The following NRXN3 variants were observed in gnomAD, a reference collection of about 807,000 sequenced individuals.
NRXN3 encodes neurexin 3, also known as neurexin III.
In NRXN3, 32 loss-of-function variants were observed where a neutral mutation model predicts 137.6. That is an observed-to-expected ratio of 0.23 (90% confidence interval 0.18 to 0.31). The LOEUF is 0.31. NRXN3 is among the 10% of genes least tolerant of loss of function. The probability of loss-of-function intolerance (pLI) is 1.00; values close to 1 mark genes in which losing one functional copy is unlikely to be tolerated. For synonymous variants in NRXN3, 798 were observed against 784.5 expected (o/e 1.02, Z -0.29); for missense variants, 1,574 against 2,062.5 (o/e 0.76, Z 4.59).
intron 4 of NRXN3, among the ~76,000 whole-genome samples, chr14:78,334,422 T>G (rs768822554): frequency 1.3e-5 from 2 of 152,112 alleles, no homozygotes; most frequent in Non-Finnish European, 2.9e-5. Flanking sequence ...TTCCACTTGC[T>G]TCTCCATCTA....
chr14:79,276,813 C>T (rs185622215), intron 15 of NRXN3, among the ~76,000 whole-genome samples: 6 of 151,682 alleles, frequency 4.0e-5, no homozygotes, highest in African/African-American at 1.2e-4. Flanking sequence ...GCCAGACAAA[C>T]GCATCAGCAA....
intron 19 of NRXN3, among the ~76,000 whole-genome samples, chr14:79,735,076 T>G (rs1412791387): frequency 6.6e-6 from 1 of 152,204 alleles, no homozygotes; most frequent in Non-Finnish European, 1.5e-5. Flanking sequence ...TAGCCTTTCT[T>G]GAACTCTACC....
chr14:78,497,852 G>A (rs2095814418), intron 4 of NRXN3, among the ~76,000 whole-genome samples: 1 of 152,134 alleles, frequency 6.6e-6, no homozygotes, highest in Non-Finnish European at 1.5e-5. Context: ...GGATGAGAAT[G>A]GTAATCAAAT....
chr14:78,962,392 C>T (rs907811156), intron 11 of NRXN3, among the ~76,000 whole-genome samples: 4 of 152,184 alleles, frequency 2.6e-5, no homozygotes, highest in Non-Finnish European at 5.9e-5. Flanking sequence ...TGTTATCTTT[C>T]TCCCCAGTTA....
chr14:78,859,824 T>G (rs976554702), intron 10 of NRXN3, among the ~76,000 whole-genome samples: 1 of 152,142 alleles, frequency 6.6e-6, no homozygotes, highest in Non-Finnish European at 1.5e-5. Flanking sequence ...GTAAACAGTG[T>G]GGAAGTAGTG....
chr14:79,713,557 T>C (rs1347102150), intron 19 of NRXN3, among the ~76,000 whole-genome samples: 2 of 141,722 alleles, frequency 1.4e-5, no homozygotes, highest in African/African-American at 5.1e-5. Context: ...TTACTGGAAT[T>C]GTGTAGTGAT....
chr14:78,910,226 G>A (rs973863930), intron 10 of NRXN3, among the ~76,000 whole-genome samples: 3 of 152,014 alleles, frequency 2.0e-5, no homozygotes, highest in Non-Finnish European at 2.9e-5. Context: ...CTCAGTGACC[G>A]AGAGCCTGAC....
At chr14:79,494,520 A>T (rs903131994) in intron 16 of NRXN3, among the ~76,000 whole-genome samples, 1 of 152,188 alleles carries the variant, frequency 6.6e-6, no homozygotes, top group African/African-American at 2.4e-5. Context: ...ATGAAACGTC[A>T]TTAAGATGCA....
intron 16 of NRXN3, among the ~76,000 whole-genome samples, chr14:79,593,952 A>G (rs1243775535): frequency 2.6e-5 from 4 of 152,210 alleles, no homozygotes; most frequent in African/African-American, 9.7e-5. Context: ...TAGTTCAGAT[A>G]CACTTAACAT....
chr14:78,990,359 C>CTCTTTT (rs778508663), intron 15 of NRXN3, among the ~76,000 whole-genome samples: 1 of 114,504 alleles, frequency 8.7e-6, no homozygotes, highest in African/African-American at 3.9e-5. Context: ...AAGTTCACAT[C>CTCTTTT]TATTTTTTTT....
At chr14:79,486,388 AAAGAT>A (rs1260741720) in intron 16 of NRXN3, among the ~76,000 whole-genome samples, 1 of 152,234 alleles carries the variant, frequency 6.6e-6, no homozygotes, top group Non-Finnish European at 1.5e-5. Context: ...AGGCATTTTA[AAAGAT>A]AAGATTAGAT....
chr14:78,409,275 C>T (rs900930356), intron 4 of NRXN3, among the ~76,000 whole-genome samples: 1 of 150,746 alleles, frequency 6.6e-6, no homozygotes, highest in African/African-American at 2.4e-5. Context: ...GTGCTGAAGT[C>T]ATTGCATTAT....
intron 15 of NRXN3, among the ~76,000 whole-genome samples, chr14:79,286,158 A>G (rs554177456): frequency 9.2e-5 from 14 of 152,266 alleles, no homozygotes; most frequent in African/African-American, 3.4e-4. Context: ...GACTGCAGAC[A>G]CATGCTCTAA....
chr14:79,864,733 TGTTTTTTGTTTTTC>T lies in NRXN3; in HGVS notation c.*2781_*2794del, dbSNP rs1352071943. ...TACTATGGTTTTGTTTGTTTGTTTTTGTTTTTTGTTTTTCGTTTTTTGTTTGTTTTTTTTTTGAG... is the reference window on the plus strand; with the variant it reads ...TACTATGGTTTTGTTTGTTTGTTTTTGTTTTTTGTTTGTTTTTTTTTTGAG... On this transcript the variant is annotated 3_prime_UTR_variant, in exon 21 of 21. Transcript: ENST00000335750. 6 of 152,142 alleles carry T rather than the reference TGTTTTTTGTTTTTC, an allele frequency of 3.9e-5. No homozygotes were observed. Among genetic ancestry groups the T allele is most frequent in the African/African-American group, 1.4e-4 (6 of 41,386 alleles). The allele number at this position is 152,142 out of a possible 1,614,324, so 9.4% of individuals were successfully genotyped here.
intron 16 of NRXN3, among the ~76,000 whole-genome samples, chr14:79,532,692 C>T (rs1391234830): frequency 1.3e-5 from 2 of 152,230 alleles, no homozygotes; most frequent in Non-Finnish European, 2.9e-5. Flanking sequence ...CACCCCTACA[C>T]TCCAGATCTT....
chr14:79,805,308 A>G (rs999855396), intron 20 of NRXN3, 118 bp downstream of exon 20: 2 of 509,658 alleles, frequency 3.9e-6, no homozygotes, highest in Admixed American at 3.5e-5. Context: ...TAATGTGTGT[A>G]TATTTTTATA....
At chr14:78,315,156 C>T (rs772902241) in intron 4 of NRXN3, among the ~76,000 whole-genome samples, 9 of 151,588 alleles carry the variant, frequency 5.9e-5, no homozygotes, top group African/African-American at 1.2e-4. Context: ...GGATTACAGG[C>T]GCTTACCAGC....
intron 17 of NRXN3, among the ~76,000 whole-genome samples, chr14:79,677,086 C>CAAAAG (rs1334668054): frequency 6.6e-6 from 1 of 151,896 alleles, no homozygotes; most frequent in African/African-American, 2.4e-5. Context: ...ACTTTTATAA[C>CAAAAG]AAAAGAAAAA....
At chr14:78,430,729 G>T (rs1598576213) in intron 4 of NRXN3, among the ~76,000 whole-genome samples, 1 of 152,288 alleles carries the variant, frequency 6.6e-6, no homozygotes, top group South Asian at 2.1e-4. Flanking sequence ...GTGCACTGTG[G>T]CAGAAACAAT....
Sources: gnomAD v4.1 joint callset for allele counts (sites outside exome capture counted in the v4.1 genomes callset) on GRCh38, gnomAD v4.1.1 for gene constraint, MANE v1.5 for transcripts, NCBI Gene and HGNC (gene_info 2026-07-23, HGNC 2026-07-21) for gene names.